Variants in GAS7 observed in about 807,000 individuals in gnomAD.
GAS7 encodes the protein growth arrest specific 7.
GAS7 carries 28 observed loss-of-function variants against 71.1 expected under a neutral mutation model. The observed-to-expected ratio is 0.39, with a 90% CI of 0.29 to 0.54. The LOEUF (loss-of-function observed/expected upper bound fraction) is 0.54. Among genes scored for constraint, GAS7 ranks in the 20% least tolerant of loss-of-function variants. The probability of loss-of-function intolerance (pLI) is 0.62; values close to 1 mark genes in which losing one functional copy is unlikely to be tolerated. For missense variants in GAS7, 436 were observed against 627.8 expected, an observed-to-expected ratio of 0.69 and a Z score of 3.27; for synonymous variants, 258 against 245.8, an observed-to-expected ratio of 1.05 and a Z score of -0.46.
At chr17:10,119,361 G>C (rs993325934) in intron 1 of GAS7, among the ~76,000 whole-genome samples, 1 of 152,176 alleles carries the variant, frequency 6.6e-6, no homozygotes, top group Non-Finnish European at 1.5e-5. Flanking sequence ...AGTGCTCACC[G>C]TGGGCCTGGC....
chr17:10,101,185 G>C (rs532034713), intron 1 of GAS7, among the ~76,000 whole-genome samples: 1 of 152,132 alleles, frequency 6.6e-6, no homozygotes, highest in Non-Finnish European at 1.5e-5. Context: ...CCCAGACCCC[G>C]AGCCTTACCC....
intron 5 of GAS7, among the ~76,000 whole-genome samples, chr17:9,951,760 C>CAAAAAAAAAA (rs59048492): frequency 6.1e-4 from 42 of 69,012 alleles, no homozygotes; most frequent in African/African-American, 1.5e-3. Context: ...AACTCTGTCT[C>CAAAAAAAAAA]AAAAAAAAAA....
chr17:10,129,335 G>C (rs2073978128), intron 1 of GAS7, among the ~76,000 whole-genome samples: 1 of 152,134 alleles, frequency 6.6e-6, no homozygotes, highest in Non-Finnish European at 1.5e-5. Context: ...AGGAGTTTGA[G>C]ACCAGCCTGG....
intron 1 of GAS7, among the ~76,000 whole-genome samples, chr17:10,049,967 T>A (rs965659954): frequency 4.6e-5 from 7 of 152,310 alleles, no homozygotes; most frequent in Non-Finnish European, 1.0e-4. Context: ...ATCCTAAATA[T>A]ACTATATGAT....
intron 1 of GAS7, among the ~76,000 whole-genome samples, chr17:10,054,297 T>C (rs1444491475): frequency 1.3e-5 from 2 of 152,132 alleles, no homozygotes; most frequent in East Asian, 3.9e-4. Context: ...TGTTCCACTA[T>C]TGGCCTTAGC....
chr17:9,965,763 C>T (rs939461415), intron 4 of GAS7, among the ~76,000 whole-genome samples: 17 of 152,184 alleles, frequency 1.1e-4, no homozygotes, highest in Non-Finnish European at 1.5e-4. Flanking sequence ...GTACCTGGGC[C>T]GACTGCCCCA....
chr17:9,969,844 C>A lies in GAS7; in HGVS notation c.386-82G>T. 1 of 865,710 alleles carries A rather than the reference C, an allele frequency of 1.2e-6. No homozygotes were observed. The allele number at this position is 865,710 out of a possible 1,614,324, so 53.6% of individuals were successfully genotyped here. A position where few individuals can be genotyped will look rare whatever the true frequency, so the allele number is the denominator to read the frequency against. Reference sequence around the variant, plus strand: ...CCTTTCGTCCACTGCAGCCCCTTTTCCCACCTCCTTCCTTGGCTCTGAGAG... The same window carrying A: ...CCTTTCGTCCACTGCAGCCCCTTTTACCACCTCCTTCCTTGGCTCTGAGAG... On this transcript the variant is annotated intron_variant, in intron 3 of 13. Coordinates refer to ENST00000432992, the MANE Select transcript of GAS7 (RefSeq NM_201433.2). The surrounding 1 kb of genome is among the most constrained non-coding windows in gnomAD (Gnocchi z 5.5).
At chr17:9,963,039 GAAAA>G (rs71139010) in intron 4 of GAS7, among the ~76,000 whole-genome samples, 1 of 131,020 alleles carries the variant, frequency 7.6e-6, no homozygotes. Context: ...TCAAGGTGAT[GAAAA>G]AAAAAAAAAA....
In GAS7 at chr17:9,999,100, C is replaced by T. The variant is rs1666154657; in HGVS notation, c.305-17216G>A. ...ACTTCTCCCATAAATGGCATTTTTCCGCTTATGCATCAACTTTTTGTTGCT... is the reference window on the plus strand; with the variant it reads ...ACTTCTCCCATAAATGGCATTTTTCTGCTTATGCATCAACTTTTTGTTGCT... On this transcript the variant is annotated intron_variant, in intron 2 of 13. Coordinates refer to ENST00000432992, the MANE Select transcript of GAS7 (RefSeq NM_201433.2). 3.9e-5 allele frequency among the ~76,000 whole-genome samples: 6 copies of T among 152,176 alleles called. No homozygotes were observed. In the South Asian group the frequency reaches 1.0e-3, roughly 26 times the overall value.
intron 5 of GAS7, chr17:9,958,998 G>A: frequency 7.0e-7 from 1 of 1,420,306 alleles, no homozygotes; most frequent in Non-Finnish European, 9.2e-7. Flanking sequence ...CACCAGGAGA[G>A]AAGTGAAATG....
intron 5 of GAS7, among the ~76,000 whole-genome samples, chr17:9,952,335 C>T (rs944737621): frequency 6.6e-6 from 1 of 152,180 alleles, no homozygotes; most frequent in Non-Finnish European, 1.5e-5. Flanking sequence ...AAACAAGCCA[C>T]AGAGCCCTGC....
chr17:10,047,646 T>C (rs2072998770), intron 1 of GAS7, among the ~76,000 whole-genome samples: 1 of 152,164 alleles, frequency 6.6e-6, no homozygotes, highest in African/African-American at 2.4e-5. Flanking sequence ...AGCTGTGATT[T>C]CTTTGAAAGA....
chr17:10,198,008 G>C (rs1461621660), intron 1 of GAS7, among the ~76,000 whole-genome samples, 200 bp downstream of exon 1: 3 of 152,172 alleles, frequency 2.0e-5, no homozygotes, highest in African/African-American at 7.2e-5. Context: ...CCGCGAGTCC[G>C]CGTTGCCCAC....
chr17:9,930,922 G>C (rs1351319277), intron 9 of GAS7, among the ~76,000 whole-genome samples: 1 of 152,294 alleles, frequency 6.6e-6, no homozygotes, highest in East Asian at 1.9e-4. Context: ...TTTGCATGAC[G>C]GGTCTTCATG....
rs558345659 is a variant in GAS7 at position 10,109,675 on chromosome 17, T to C, written c.183+88533A>G. 1.6e-4 allele frequency among the ~76,000 whole-genome samples: 24 copies of C among 152,290 alleles called. No homozygotes were observed. In the South Asian group the frequency reaches 3.5e-3, roughly 22 times the overall value. On this transcript the variant is annotated intron_variant, in intron 1 of 13. Transcript: ENST00000432992. ...GGCTCACGCCTGTAATTCCAACACT[T>C]TGGGAGGCCAAGGCAGGTGGATCAC...
At chr17:10,175,559 A>T (rs936352751) in intron 1 of GAS7, among the ~76,000 whole-genome samples, 32 of 151,934 alleles carry the variant, frequency 2.1e-4, no homozygotes, top group African/African-American at 7.7e-4. Context: ...GACACCAGTC[A>T]TACAGGATGA....
chr17:10,131,567 A>G (rs2073997441), intron 1 of GAS7, among the ~76,000 whole-genome samples: 1 of 152,254 alleles, frequency 6.6e-6, no homozygotes, highest in Admixed American at 6.5e-5. Context: ...GGTTGCAGTG[A>G]GCCAAGATCA....
intron 1 of GAS7, among the ~76,000 whole-genome samples, chr17:10,048,249 C>T (rs569294438): frequency 1.3e-5 from 2 of 152,362 alleles, no homozygotes; most frequent in South Asian, 2.1e-4. Flanking sequence ...TTGCAGAGAG[C>T]GGTGATCGCG....
intron 1 of GAS7, among the ~76,000 whole-genome samples, chr17:10,174,516 C>T (rs988950136): frequency 6.6e-6 from 1 of 151,344 alleles, no homozygotes; most frequent in African/African-American, 2.4e-5. Context: ...CATGGTGAAA[C>T]CCCGTCTCTA....
Sources: allele counts gnomAD v4.1 joint callset (sites outside exome capture counted in the v4.1 genomes callset), GRCh38; gene constraint gnomAD v4.1.1; non-coding constraint Gnocchi (gnomAD v3.1); transcripts MANE v1.5; gene names NCBI Gene and HGNC (gene_info 2026-07-23, HGNC 2026-07-21).